The following EYA1 variants were observed in gnomAD, a reference collection of about 807,000 sequenced individuals.
The protein encoded by EYA1 is protein phosphatase EYA1.
Under a neutral mutation model 82.0 loss-of-function variants are expected in EYA1, and 16 were observed. That is an observed-to-expected ratio of 0.20 (90% CI 0.13 to 0.30). EYA1 has a LOEUF of 0.30. Ranked by LOEUF, EYA1 falls within the 10% of genes least tolerant of loss-of-function variation. The pLI, the probability that EYA1 is intolerant of heterozygous loss-of-function variation, is 1.00. For missense variants in EYA1, 633 were observed against 730.7 expected, an observed-to-expected ratio of 0.87 and a Z score of 1.54; for synonymous variants, 261 against 264.4, an observed-to-expected ratio of 0.99 and a Z score of 0.12.
chr8:71,379,816 G>A (rs1215556370), intron 2 of EYA1, among the ~76,000 whole-genome samples: 4 of 144,828 alleles, frequency 2.8e-5, no homozygotes, highest in Non-Finnish European at 6.1e-5. Context: ...CTTGGCATAA[G>A]CAACTCCATC....
chr8:71,478,801 C>T (rs183634979), intron 2 of EYA1, among the ~76,000 whole-genome samples: 124 of 152,190 alleles, frequency 8.1e-4, no homozygotes, highest in African/African-American at 2.9e-3. Flanking sequence ...AGAAGAAACA[C>T]GAGAGTCCCA....
At chr8:71,504,675 A>T (rs1812055711) in intron 2 of EYA1, among the ~76,000 whole-genome samples, 1 of 152,168 alleles carries the variant, frequency 6.6e-6, no homozygotes, top group African/African-American at 2.4e-5. Flanking sequence ...ATCCACCTCC[A>T]GATATTCTGC....
At chr8:71,351,437 G>A (rs1661027607) in intron 3 of EYA1, among the ~76,000 whole-genome samples, 1 of 152,002 alleles carries the variant, frequency 6.6e-6, no homozygotes, top group African/African-American at 2.4e-5. Flanking sequence ...TTTTTATATT[G>A]CAAAGATGTA....
At chr8:71,472,786 A>AAGAGAT (rs796164821) in intron 2 of EYA1, among the ~76,000 whole-genome samples, 1 of 82,512 alleles carries the variant, frequency 1.2e-5, no homozygotes, top group Non-Finnish European at 2.6e-5. Context: ...TGTAGCTTTG[A>AAGAGAT]AGATATATAT....
At chr8:71,318,367 G>C (rs891335841) in intron 6 of EYA1, among the ~76,000 whole-genome samples, 1 of 152,162 alleles carries the variant, frequency 6.6e-6, no homozygotes, top group African/African-American at 2.4e-5. Flanking sequence ...TTGACCAGCA[G>C]TTTCCTTTTG....
At chr8:71,379,132 C>G (rs1264994984) in intron 2 of EYA1, among the ~76,000 whole-genome samples, 4 of 152,090 alleles carry the variant, frequency 2.6e-5, no homozygotes, top group Non-Finnish European at 5.9e-5. Context: ...AGTGGAGGCT[C>G]TATGTGAGGA....
At chr8:71,262,282 T>C (rs2890502) in intron 11 of EYA1, among the ~76,000 whole-genome samples, 17,748 of 152,242 alleles carry the variant, frequency 0.12, 1,112 homozygotes, top group African/African-American at 0.13. Flanking sequence ...ACTATTCTTC[T>C]TCAAGTCTAA....
At chr8:71,388,454 G>A (rs142589208) in intron 2 of EYA1, among the ~76,000 whole-genome samples, 223 of 152,282 alleles carry the variant, frequency 1.5e-3, no homozygotes, top group Non-Finnish European at 2.2e-3. Flanking sequence ...GAGTTTTTCG[G>A]TTGTCTGTGA....
intron 12 of EYA1, among the ~76,000 whole-genome samples, chr8:71,240,206 T>G (rs553126056): frequency 6.8e-4 from 104 of 152,066 alleles, no homozygotes; most frequent in Non-Finnish European, 1.3e-3. Context: ...ACAAGCCCCT[T>G]TCCTTGGCCC....
At chr8:71,473,507 C>T (rs60736827) in intron 2 of EYA1, among the ~76,000 whole-genome samples, 1 of 152,118 alleles carries the variant, frequency 6.6e-6, no homozygotes, top group Non-Finnish European at 1.5e-5. Flanking sequence ...GAGATACCAT[C>T]TCATGCCAGT....
intron 4 of EYA1, among the ~76,000 whole-genome samples, chr8:71,326,224 T>G (rs911798449): frequency 6.6e-6 from 1 of 152,130 alleles, no homozygotes; most frequent in Non-Finnish European, 1.5e-5. Context: ...AAAAGAACTC[T>G]CGAAATTGGC....
At chr8:71,416,824 T>C (rs556616235) in intron 2 of EYA1, among the ~76,000 whole-genome samples, 2 of 152,314 alleles carry the variant, frequency 1.3e-5, no homozygotes, top group South Asian at 4.1e-4. Flanking sequence ...GCTAGAAATA[T>C]GATGACCCTG....
intron 2 of EYA1, among the ~76,000 whole-genome samples, chr8:71,501,962 A>G (rs1232034119): frequency 6.6e-6 from 1 of 152,228 alleles, no homozygotes; most frequent in Non-Finnish European, 1.5e-5. Flanking sequence ...GACTCAACAA[A>G]GATCTCTTAA....
At chr8:71,312,448 A>T (rs1203884366) in intron 7 of EYA1, among the ~76,000 whole-genome samples, 3 of 152,096 alleles carry the variant, frequency 2.0e-5, no homozygotes, top group Non-Finnish European at 2.9e-5. Context: ...TTTATTTATT[A>T]TTTAGTTAGT....
At chr8:71,262,296 C>T (rs1453271515) in intron 11 of EYA1, among the ~76,000 whole-genome samples, 2 of 152,172 alleles carry the variant, frequency 1.3e-5, no homozygotes, top group Non-Finnish European at 2.9e-5. Flanking sequence ...AGTCTAATCC[C>T]CTAAATATAC....
At chr8:71,233,289 G>A (rs1279085955) in intron 12 of EYA1, among the ~76,000 whole-genome samples, 1 of 151,874 alleles carries the variant, frequency 6.6e-6, no homozygotes, top group African/African-American at 2.4e-5. Flanking sequence ...TTTCTGCCGG[G>A]TGCGGTGGCT....
At chr8:71,367,822 G>A (rs1827843606) in intron 2 of EYA1, among the ~76,000 whole-genome samples, 1 of 152,172 alleles carries the variant, frequency 6.6e-6, no homozygotes, top group Non-Finnish European at 1.5e-5. Context: ...ATACTATGGT[G>A]TGAGGGTTAA....
At chr8:71,380,922 G>A (rs147105491) in intron 2 of EYA1, among the ~76,000 whole-genome samples, 3 of 152,284 alleles carry the variant, frequency 2.0e-5, no homozygotes, top group South Asian at 4.1e-4. Flanking sequence ...TGCCCACCTT[G>A]TGTTGCTGGC....
chr8:71,403,055 A>C (rs375070606), intron 2 of EYA1, among the ~76,000 whole-genome samples: 7 of 152,226 alleles, frequency 4.6e-5, no homozygotes, highest in Admixed American at 2.6e-4. Flanking sequence ...GGTAAACCCA[A>C]AAGCTACAAA....
Sources: gnomAD v4.1 joint callset for allele counts (sites outside exome capture counted in the v4.1 genomes callset) on GRCh38, gnomAD v4.1.1 for gene constraint, MANE v1.5 for transcripts, NCBI Gene and HGNC (gene_info 2026-07-23, HGNC 2026-07-21) for gene names.